GRM7: variants seen among roughly 807,000 people sequenced by gnomAD.
The protein encoded by GRM7 is metabotropic glutamate receptor 7.
GRM7 carries 35 observed loss-of-function variants against 84.5 expected under a neutral mutation model. That is an observed-to-expected ratio of 0.41 (90% CI 0.32 to 0.55). The LOEUF (loss-of-function observed/expected upper bound fraction) is 0.55. Ranked by LOEUF, GRM7 falls within the 20% of genes least tolerant of loss-of-function variation. The pLI is 0.19. For missense variants in GRM7, 1,003 were observed against 1,194.6 expected, an observed-to-expected ratio of 0.84 and a Z score of 2.36; for synonymous variants, 487 against 455.1, an observed-to-expected ratio of 1.07 and a Z score of -0.89.
intron 1 of GRM7, among the ~76,000 whole-genome samples, chr3:6,947,768 C>T (rs1330962177): frequency 6.6e-6 from 1 of 152,128 alleles, no homozygotes; most frequent in Non-Finnish European, 1.5e-5. Flanking sequence ...CAACTTCTTC[C>T]TGGTTTAGTC....
chr3:7,551,612 T>C (rs1481358030), intron 7 of GRM7, among the ~76,000 whole-genome samples: 2 of 149,912 alleles, frequency 1.3e-5, no homozygotes, highest in Non-Finnish European at 1.5e-5. Flanking sequence ...TATAAAATTA[T>C]ATATATTTTT....
chr3:7,521,936 A>G (rs1256322411), intron 7 of GRM7, among the ~76,000 whole-genome samples: 1 of 152,150 alleles, frequency 6.6e-6, no homozygotes, highest in Non-Finnish European at 1.5e-5. Flanking sequence ...CTGCCTCCAC[A>G]TACCACATGG....
At chr3:7,129,897 C>A (rs1113810) in intron 1 of GRM7, among the ~76,000 whole-genome samples, 4,687 of 152,208 alleles carry the variant, frequency 0.031, 239 homozygotes, top group African/African-American at 0.11. Flanking sequence ...GCTTAATCAT[C>A]AAAATGAGTC....
chr3:7,166,484 G>T (rs529522759), intron 2 of GRM7, among the ~76,000 whole-genome samples: 2 of 152,228 alleles, frequency 1.3e-5, no homozygotes, highest in East Asian at 3.9e-4. Context: ...AAACTCACGT[G>T]AACCCTCCCT....
intron 1 of GRM7, among the ~76,000 whole-genome samples, chr3:6,914,985 G>GC (rs1440834836): frequency 2.6e-5 from 4 of 152,126 alleles, no homozygotes; most frequent in Non-Finnish European, 4.4e-5. Flanking sequence ...AGAAAATTCT[G>GC]CATGTATTGA....
chr3:7,653,180 C>CATTTTTT (rs1440978783), intron 8 of GRM7, among the ~76,000 whole-genome samples: 9 of 89,520 alleles, frequency 1.0e-4, no homozygotes, highest in African/African-American at 4.4e-4. Flanking sequence ...ATACTATATC[C>CATTTTTT]TTTTTTTTTT....
At chr3:7,487,204 G>A (rs1436341473) in intron 7 of GRM7, among the ~76,000 whole-genome samples, 1 of 152,088 alleles carries the variant, frequency 6.6e-6, no homozygotes, top group Non-Finnish European at 1.5e-5. Context: ...GCTACTTTTG[G>A]CTGCTTAAGC....
chr3:7,531,403 A>C (rs1001158433), intron 7 of GRM7, among the ~76,000 whole-genome samples: 3 of 152,178 alleles, frequency 2.0e-5, no homozygotes, highest in Non-Finnish European at 4.4e-5. Flanking sequence ...TAGTTTGGGC[A>C]GTATGGCCAT....
intron 4 of GRM7, among the ~76,000 whole-genome samples, chr3:7,332,934 C>T (rs1434694581): frequency 6.6e-6 from 1 of 152,078 alleles, no homozygotes; most frequent in Non-Finnish European, 1.5e-5. Context: ...TGGCTCCTCC[C>T]ATCACTTGAG....
chr3:7,362,981 G>A (rs1354548452), intron 4 of GRM7, among the ~76,000 whole-genome samples: 1 of 151,942 alleles, frequency 6.6e-6, no homozygotes, highest in Admixed American at 6.6e-5. Context: ...AGTTACCCAG[G>A]CATGGTGGTA....
intron 1 of GRM7, among the ~76,000 whole-genome samples, chr3:7,105,345 A>G (rs904515840): frequency 1.3e-5 from 2 of 151,928 alleles, no homozygotes; most frequent in Non-Finnish European, 2.9e-5. Context: ...CCATCTATCC[A>G]GGGATCCAGC....
intron 1 of GRM7, among the ~76,000 whole-genome samples, chr3:6,905,061 G>T (rs768254563): frequency 6.6e-6 from 1 of 151,922 alleles, no homozygotes; most frequent in Non-Finnish European, 1.5e-5. Context: ...TCTCCGTCTT[G>T]GTTTTGCTTT....
At chr3:6,902,288 A>T (rs768619619) in intron 1 of GRM7, among the ~76,000 whole-genome samples, 4 of 152,180 alleles carry the variant, frequency 2.6e-5, no homozygotes, top group Non-Finnish European at 5.9e-5. Context: ...ATTTTTTAAA[A>T]TGACAGCTAT....
chr3:7,418,867 T>A (rs1379124102), intron 5 of GRM7, among the ~76,000 whole-genome samples: 1 of 152,188 alleles, frequency 6.6e-6, no homozygotes, highest in African/African-American at 2.4e-5. Context: ...CACACATGCC[T>A]GTGAGAGCTT....
intron 1 of GRM7, among the ~76,000 whole-genome samples, chr3:6,994,569 G>C (rs1154359): frequency 0.59 from 89,836 of 152,024 alleles, 28,434 homozygotes; most frequent in African/African-American, 0.84. Context: ...AGCTGAAGCT[G>C]GTTTTTGTTG....
chr3:7,426,436 A>G (rs918335227), intron 5 of GRM7, among the ~76,000 whole-genome samples: 2 of 151,530 alleles, frequency 1.3e-5, no homozygotes, highest in African/African-American at 2.4e-5. Context: ...AGGTGTCTGC[A>G]TTTTTCTTGC....
At chr3:6,955,003 T>C (rs1260449145) in intron 1 of GRM7, among the ~76,000 whole-genome samples, 1 of 152,164 alleles carries the variant, frequency 6.6e-6, no homozygotes, top group East Asian at 1.9e-4. Context: ...GAAGGAGTGA[T>C]TGTATTATAA....
chr3:7,453,991 G>A (rs1575359619), intron 6 of GRM7, among the ~76,000 whole-genome samples: 1 of 152,016 alleles, frequency 6.6e-6, no homozygotes, highest in African/African-American at 2.4e-5. Flanking sequence ...GGTAAGGTCA[G>A]AAAGAGAAAT....
intron 2 of GRM7, among the ~76,000 whole-genome samples, chr3:7,206,010 GT>G (rs991829090): frequency 6.6e-6 from 1 of 152,070 alleles, no homozygotes; most frequent in Admixed American, 6.6e-5. Flanking sequence ...CAATACTCTG[GT>G]CGTAACTCAA....
Sources: gnomAD v4.1 joint callset for allele counts (sites outside exome capture counted in the v4.1 genomes callset) on GRCh38, gnomAD v4.1.1 for gene constraint, MANE v1.5 for transcripts, NCBI Gene and HGNC (gene_info 2026-07-23, HGNC 2026-07-21) for gene names.